The following CHCHD6 variants were observed in gnomAD, a reference collection of about 807,000 sequenced individuals.
The protein encoded by CHCHD6 is coiled-coil-helix-coiled-coil-helix domain containing 6.
Under a neutral mutation model 32.3 loss-of-function variants are expected in CHCHD6, and 28 were observed. The observed-to-expected ratio is 0.87, with a 90% CI of 0.64 to 1.19. The LOEUF is 1.19. Among genes scored for constraint, CHCHD6 ranks in the 50% most tolerant of loss-of-function variants. The pLI, the probability that CHCHD6 is intolerant of heterozygous loss-of-function variation, is 0.00. For synonymous variants in CHCHD6, 122 were observed against 117.5 expected (o/e 1.04, Z -0.25); for missense variants, 333 against 307.0 (o/e 1.08, Z -0.63).
chr3:126,891,164 G>A (rs2077753713), intron 5 of CHCHD6, among the ~76,000 whole-genome samples: 1 of 152,182 alleles, frequency 6.6e-6, no homozygotes, highest in Non-Finnish European at 1.5e-5. Context: ...CGTATCAGGT[G>A]CCGGTGGGGT....
chr3:126,779,485 C>T (rs896464052), intron 4 of CHCHD6, among the ~76,000 whole-genome samples: 1 of 147,450 alleles, frequency 6.8e-6, no homozygotes, highest in Admixed American at 7.0e-5. Flanking sequence ...TGCGGTAAGC[C>T]GAGATCGCTC....
chr3:126,723,205 A>G (rs1477982581), intron 1 of CHCHD6, among the ~76,000 whole-genome samples: 1 of 152,082 alleles, frequency 6.6e-6, no homozygotes, highest in Non-Finnish European at 1.5e-5. Context: ...ATTTGATTGT[A>G]TATATCTTAA....
At position 126,960,385 on chromosome 3, in the gene CHCHD6, T is replaced by A; in HGVS notation, c.*184T>A. 1.5e-6 allele frequency: 1 copy of A among 671,048 alleles called. No individual in the cohort carries two copies. 41.6% of individuals were successfully genotyped at this position (671,048 alleles called of 1,614,324 possible). ...ACTGTCTGAAAACAAATAAAGCAGA[T>A]GCCTTTGTTTTCAGTCGTTGACTCA... On this transcript the variant is annotated 3_prime_UTR_variant, in exon 8 of 8. Transcript: ENST00000290913.
intron 4 of CHCHD6, among the ~76,000 whole-genome samples, chr3:126,790,726 A>C (rs1030298987): frequency 3.3e-5 from 5 of 152,116 alleles, no homozygotes; most frequent in East Asian, 1.9e-4. Flanking sequence ...CCATTCGTCT[A>C]ATCTTTTTTC....
chr3:126,911,618 T>A (rs2078091984), intron 5 of CHCHD6, among the ~76,000 whole-genome samples: 1 of 152,342 alleles, frequency 6.6e-6, no homozygotes, highest in East Asian at 1.9e-4. Context: ...TAGAGGAAGC[T>A]GCAGCAGGGT....
chr3:126,956,141 A>G (rs1182553508), intron 6 of CHCHD6, among the ~76,000 whole-genome samples: 3 of 152,154 alleles, frequency 2.0e-5, no homozygotes, highest in African/African-American at 4.8e-5. Flanking sequence ...ACTGACCTAC[A>G]TATCTCTCTC....
At chr3:126,767,305 C>A (rs1008402270) in intron 4 of CHCHD6, 13 of 1,096,994 alleles carry the variant, frequency 1.2e-5, no homozygotes, top group Non-Finnish European at 1.8e-5. Flanking sequence ...TCTCCCCAAA[C>A]GCAAACACGG....
At chr3:126,822,249 G>A (rs557234953) in intron 4 of CHCHD6, among the ~76,000 whole-genome samples, 1 of 152,246 alleles carries the variant, frequency 6.6e-6, no homozygotes, top group African/African-American at 2.4e-5. Flanking sequence ...TATGGTGTGA[G>A]GTTGGGGTCT....
At chr3:126,878,292 A>C (rs1214909183) in intron 5 of CHCHD6, among the ~76,000 whole-genome samples, 3 of 152,236 alleles carry the variant, frequency 2.0e-5, no homozygotes, top group Non-Finnish European at 4.4e-5. Context: ...TTTCTAAATG[A>C]CCATTCCTAA....
chr3:126,867,257 G>A (rs1245586539), intron 5 of CHCHD6, among the ~76,000 whole-genome samples: 3 of 152,208 alleles, frequency 2.0e-5, no homozygotes, highest in African/African-American at 7.2e-5. Context: ...GCTGATTTAT[G>A]TCATTTCCTC....
intron 4 of CHCHD6, among the ~76,000 whole-genome samples, chr3:126,774,473 A>G (rs901379176): frequency 2.0e-5 from 3 of 152,198 alleles, no homozygotes; most frequent in Non-Finnish European, 4.4e-5. Context: ...GTATATGTGT[A>G]GTTCCATGTC....
At chr3:126,915,196 G>A (rs533176954) in intron 6 of CHCHD6, among the ~76,000 whole-genome samples, 4 of 152,226 alleles carry the variant, frequency 2.6e-5, no homozygotes, top group Admixed American at 1.3e-4. Context: ...CACCCTGTGC[G>A]CAGTCATGCT....
At chr3:126,935,077 A>G in intron 6 of CHCHD6, 2 of 966,382 alleles carry the variant, frequency 2.1e-6, no homozygotes, top group Non-Finnish European at 2.5e-6. Context: ...AAGAATATCT[A>G]TCTTGCCATT....
At chr3:126,758,051 A>G (rs1474008624) in intron 4 of CHCHD6, among the ~76,000 whole-genome samples, 1 of 152,224 alleles carries the variant, frequency 6.6e-6, no homozygotes, top group Non-Finnish European at 1.5e-5. Context: ...TTGGGACCAG[A>G]TGAACTCTTG....
At chr3:126,815,625 T>G (rs569136752) in intron 4 of CHCHD6, among the ~76,000 whole-genome samples, 1 of 146,450 alleles carries the variant, frequency 6.8e-6, no homozygotes, top group Admixed American at 7.1e-5. Flanking sequence ...GCCCTTGCTG[T>G]TGCTCCTGTG....
intron 4 of CHCHD6, among the ~76,000 whole-genome samples, chr3:126,797,643 T>G (rs1445667667): frequency 6.6e-6 from 1 of 152,248 alleles, no homozygotes; most frequent in African/African-American, 2.4e-5. Flanking sequence ...ACTACCTATT[T>G]GTTAAAAACT....
intron 3 of CHCHD6, among the ~76,000 whole-genome samples, chr3:126,732,448 A>G (rs1935855608): frequency 6.6e-6 from 1 of 152,214 alleles, no homozygotes; most frequent in Non-Finnish European, 1.5e-5. Context: ...TTTTAGATTC[A>G]ACCTACAGAC....
intron 4 of CHCHD6, among the ~76,000 whole-genome samples, chr3:126,814,288 C>G (rs1939784330): frequency 6.6e-6 from 1 of 152,190 alleles, no homozygotes; most frequent in South Asian, 2.1e-4. Flanking sequence ...GAAGCACAGA[C>G]AGGACAGAGT....
chr3:126,724,414 T>G (rs1205839463), intron 1 of CHCHD6, among the ~76,000 whole-genome samples: 1 of 152,202 alleles, frequency 6.6e-6, no homozygotes, highest in East Asian at 1.9e-4. Flanking sequence ...TACACTAACA[T>G]TATGCCTAAA....
Sources: gnomAD v4.1 joint callset for allele counts (sites outside exome capture counted in the v4.1 genomes callset) on GRCh38, gnomAD v4.1.1 for gene constraint, MANE v1.5 for transcripts, NCBI Gene and HGNC (gene_info 2026-07-23, HGNC 2026-07-21) for gene names.